The following BUD23 variants were observed in gnomAD, a reference collection of about 807,000 sequenced individuals.
The protein encoded by BUD23 is BUD23 rRNA methyltransferase and ribosome maturation factor, also known as 18S rRNA (guanine-N(7))-methyltransferase.
A neutral mutation model predicts 47.0 loss-of-function variants in BUD23; 34 were observed. The ratio of observed to expected loss-of-function variants is 0.72; its 90% CI spans 0.55 to 0.96. The LOEUF is 0.96. Ranked by LOEUF, BUD23 falls within the 40% of genes least tolerant of loss-of-function variation. The pLI, the probability that BUD23 is intolerant of heterozygous loss-of-function variation, is 0.00. For synonymous variants in BUD23, 124 were observed against 132.0 expected (o/e 0.94, Z 0.41); for missense variants, 343 against 361.2 (o/e 0.95, Z 0.41).
intron 6 of BUD23, 113 bp downstream of exon 6, chr7:73,691,125 C>A: frequency 1.1e-6 from 1 of 889,962 alleles, no homozygotes; most frequent in Non-Finnish European, 1.8e-6. Flanking sequence ...CATATGGGAC[C>A]GCATGGGGTG....
At chr7:73,686,564 T>C in intron 2 of BUD23, 72 bp from the exon 3 acceptor site, 1 of 1,389,050 alleles carries the variant, frequency 7.2e-7, no homozygotes, top group South Asian at 1.3e-5. Context: ...TTTTGTTTTT[T>C]GTTTTTTGGT....
intron 5 of BUD23, among the ~76,000 whole-genome samples, chr7:73,689,650 G>A (rs1798113051): frequency 6.6e-6 from 1 of 152,134 alleles, no homozygotes; most frequent in African/African-American, 2.4e-5. Context: ...AGATGCCGGT[G>A]GGAAAGGGGT....
intron 11 of BUD23, 30 bp downstream of exon 11, chr7:73,697,724 G>T: frequency 6.4e-7 from 1 of 1,556,446 alleles, no homozygotes. Flanking sequence ...CTGGCAGGGT[G>T]GGTGGGGGGT....
chr7:73,689,209 T>C (rs1404744665), intron 5 of BUD23, among the ~76,000 whole-genome samples: 1 of 152,058 alleles, frequency 6.6e-6, no homozygotes, highest in African/African-American at 2.4e-5. Context: ...ACCACCATGC[T>C]TGGCTAATTT....
chr7:73,697,947 A>G lies in BUD23; in HGVS notation c.*61A>G. 6.5e-7 allele frequency: 1 copy of G among 1,546,464 alleles called. No homozygotes were observed. The highest frequency in any genetic ancestry group is 8.7e-7 in the Non-Finnish European group (1 of 1,148,014). Reference sequence around the variant, plus strand: ...CACTTTTCTATATTGTTCAGCTGACAAAGTAGTATTTTAGAAAAGTTCTAA... The same window carrying G: ...CACTTTTCTATATTGTTCAGCTGACGAAGTAGTATTTTAGAAAAGTTCTAA... On this transcript the variant is annotated 3_prime_UTR_variant, in exon 12 of 12. Transcript: ENST00000265758.
At position 73,693,503 on chromosome 7, in the gene BUD23, T is replaced by G. The variant is rs1457805339; in HGVS notation, c.596+89T>G. The G allele has an allele frequency of 2.2e-4, 346 of 1,593,700 alleles. 2 individuals carry two copies. In the African/African-American group the frequency reaches 3.4e-3, roughly 16 times the overall value. ...CAGGCCACTCAGTGGTGCAGAGGAG[T>G]GCTGGGGTGTGGGTCACCAGGGTCC... On this transcript the variant is annotated intron_variant, in intron 8 of 11. Coordinates refer to ENST00000265758, the MANE Select transcript of BUD23 (RefSeq NM_017528.5).
intron 9 of BUD23, 70 bp downstream of exon 9, chr7:73,693,739 A>G: frequency 1.3e-6 from 2 of 1,588,140 alleles, no homozygotes; most frequent in Non-Finnish European, 1.7e-6. Flanking sequence ...CAGCCTGCAG[A>G]GCCTGCTGGG....
Position 73,692,650 on chromosome 7 carries a change from AG to A in BUD23, c.510+5del, listed in dbSNP as rs782721612. On this transcript the variant is annotated splice_donor_5th_base_variant and intron_variant, in intron 7 of 11. Coordinates refer to ENST00000265758, the MANE Select transcript of BUD23 (RefSeq NM_017528.5). The stretch of plus-strand genomic sequence containing the variant: ...GTACCCTGAGAACTCAGAGCAGGTG[AG>A]TCCCTCGGCTACTGGGTGTGCCGGG... The A allele has an allele frequency of 3.1e-6, 5 of 1,612,802 alleles. No individual in the cohort carries two copies. The highest frequency in any genetic ancestry group is 4.2e-6 in the Non-Finnish European group (5 of 1,179,000).
intron 7 of BUD23, 64 bp downstream of exon 7, chr7:73,692,710 G>C: frequency 1.3e-6 from 2 of 1,510,224 alleles, no homozygotes; most frequent in Non-Finnish European, 9.1e-7. Context: ...GCTGTCCTGG[G>C]GAAGCGACAA....
chr7:73,690,830 C>A, intron 5 of BUD23, 86 bp from the exon 6 acceptor site: 1 of 1,072,992 alleles, frequency 9.3e-7, no homozygotes. Flanking sequence ...CTTGGAGAGC[C>A]AGGACGGATG....
In BUD23 at chr7:73,686,744, G is replaced by A. The variant is rs200068608; in HGVS notation, c.182+13G>A. 3.1e-4 allele frequency: 494 copies of A among 1,614,096 alleles called. 3 individuals carry two copies. Among genetic ancestry groups the A allele is most frequent in the Middle Eastern group, 1.6e-4 (1 of 6,062 alleles). On this transcript the variant is annotated intron_variant, in intron 3 of 11. Transcript: ENST00000265758. ...TGCTGGATATTGGGTGAGATTCTGG[G>A]GCCTGGTTCAGATTGTCTAAGGTGG... is the stretch of plus-strand genomic sequence containing the variant.
At position 73,686,866 on chromosome 7, in the gene BUD23, T is replaced by G; in HGVS notation, c.231T>G (p.Tyr77Ter). The change falls in exon 4 of 12, where the codon TAT (tyrosine) becomes TAG (stop). Residue 77 changes from tyrosine (Y) to a stop codon, truncating the protein, a stop_gained. Transcript: ENST00000265758. LOFTEE classifies it high-confidence loss of function. ...SGSYLSDEGH[Y>*]WVGLDISPAM... ...GTTATCTGTCAGATGAAGGGCACTA[T>G]TGGGTGGGCCTGGATATCAGCCCTG... 1 of 1,614,192 alleles carries G rather than the reference T, an allele frequency of 6.2e-7. No individual in the cohort carries two copies. The highest frequency in any genetic ancestry group is 8.5e-7 in the Non-Finnish European group (1 of 1,180,036).
intron 2 of BUD23, among the ~76,000 whole-genome samples, chr7:73,684,601 G>T (rs1206112198): frequency 1.6e-5 from 1 of 63,410 alleles, no homozygotes; most frequent in African/African-American, 5.3e-5. Context: ...ACCTCGAGTC[G>T]TTAAAAAAAA....
chr7:73,689,205 A>G (rs375038334), intron 5 of BUD23, among the ~76,000 whole-genome samples: 6 of 152,196 alleles, frequency 3.9e-5, no homozygotes, highest in African/African-American at 1.4e-4. Context: ...GCTCACCACC[A>G]TGCTTGGCTA....
intron 2 of BUD23, among the ~76,000 whole-genome samples, chr7:73,684,872 C>T (rs1331761743): frequency 7.9e-6 from 1 of 126,544 alleles, no homozygotes; most frequent in Non-Finnish European, 1.6e-5. Context: ...TGCAGTGAGC[C>T]GACATCACGG....
At chr7:73,685,555 C>T (rs1797932520) in intron 2 of BUD23, among the ~76,000 whole-genome samples, 1 of 152,148 alleles carries the variant, frequency 6.6e-6, no homozygotes, top group East Asian at 2.0e-4. Context: ...ACAGGCGCGC[C>T]TCCTCGCGCC....
intron 10 of BUD23, 37 bp from the exon 11 acceptor site, chr7:73,697,568 A>C: frequency 1.2e-6 from 2 of 1,613,202 alleles, no homozygotes; most frequent in African/African-American, 1.3e-5. Flanking sequence ...CCCATCCATC[A>C]GCTGTCCATC....
intron 2 of BUD23, 130 bp from the exon 3 acceptor site, chr7:73,686,506 A>G: frequency 1.3e-6 from 1 of 798,970 alleles, no homozygotes; most frequent in East Asian, 2.4e-5. Flanking sequence ...AGAAAAGAGT[A>G]CCTCGGGATG....
intron 8 of BUD23, 51 bp from the exon 9 acceptor site, chr7:73,693,573 C>T (rs536170157): frequency 1.2e-6 from 2 of 1,612,554 alleles, no homozygotes; most frequent in African/African-American, 1.3e-5. Flanking sequence ...GGGCTTGTCT[C>T]CCTGTGGGGC....
Sources: gnomAD v4.1 joint callset for allele counts (sites outside exome capture counted in the v4.1 genomes callset) on GRCh38, gnomAD v4.1.1 for gene constraint, MANE v1.5 for transcripts, NCBI Gene and HGNC (gene_info 2026-07-23, HGNC 2026-07-21) for gene names.